The following AGBL1 variants were observed in gnomAD, a reference collection of about 807,000 sequenced individuals.
The protein encoded by AGBL1 is AGBL carboxypeptidase 1.
A neutral mutation model predicts 118.9 loss-of-function variants in AGBL1; 130 were observed. That is an observed-to-expected ratio of 1.09 (90% CI 0.95 to 1.26). The LOEUF (loss-of-function observed/expected upper bound fraction) is 1.26, where lower values mean the gene tolerates loss of function less well. AGBL1 is among the 50% of genes most tolerant of loss of function. AGBL1 has a pLI of 0.00. For missense variants in AGBL1, 1,584 were observed against 1,298.1 expected, an observed-to-expected ratio of 1.22 and a Z score of -3.38; for synonymous variants, 555 against 478.9, an observed-to-expected ratio of 1.16 and a Z score of -2.08.
rs567728632 is a variant in AGBL1 at position 86,271,600 on chromosome 15, C to T, written c.1988-19C>T. The T allele has an allele frequency of 4.4e-6, 7 of 1,578,730 alleles. No homozygotes were observed. In the South Asian group the frequency reaches 6.6e-5, roughly 15 times the overall value. Reference sequence around the variant, plus strand: ...ACTCTCTTTCCCTCATGGATTAATTCCTTTCTGATTTTGTGTAGGGATGCA... The same window carrying T: ...ACTCTCTTTCCCTCATGGATTAATTTCTTTCTGATTTTGTGTAGGGATGCA... On this transcript the variant is annotated intron_variant, in intron 14 of 22. Coordinates refer to ENST00000614907, the MANE Select transcript of AGBL1 (RefSeq NM_001386094.1).
rs2084708052 is a variant in AGBL1 at position 86,615,470 on chromosome 15, T to G, written c.2995-58803T>G. 6.6e-6 allele frequency among the ~76,000 whole-genome samples: 1 copy of G among 152,104 alleles called. No homozygotes were observed. Among genetic ancestry groups the G allele is most frequent in the Non-Finnish European group, 1.5e-5 (1 of 68,026 alleles). On this transcript the variant is annotated intron_variant, in intron 21 of 22. Transcript: ENST00000614907. The surrounding 1 kb of genome is among the most constrained non-coding windows in gnomAD (Gnocchi z 4.3). The stretch of plus-strand genomic sequence containing the variant: ...ATGGTTACTGTGGCTTTAACTAAAA[T>G]AGGCAACACAAATTGCAGGAACAGA...
At chr15:86,593,060 TACGGATTC>T (rs2084359704) in intron 21 of AGBL1, among the ~76,000 whole-genome samples, 2 of 152,202 alleles carry the variant, frequency 1.3e-5, no homozygotes, top group Admixed American at 1.3e-4. Context: ...CTCTCTGCAG[TACGGATTC>T]ATGGATTCAT....
chr15:86,357,476 T>C (rs1276287687), intron 17 of AGBL1, among the ~76,000 whole-genome samples: 1 of 152,154 alleles, frequency 6.6e-6, no homozygotes, highest in African/African-American at 2.4e-5. Flanking sequence ...CACCTGAACT[T>C]CTTTATTTTA....
chr15:86,128,868 G>C (rs1284696661), intron 1 of AGBL1, among the ~76,000 whole-genome samples: 1 of 152,152 alleles, frequency 6.6e-6, no homozygotes. Flanking sequence ...TGAGATATCT[G>C]TGAGAACAGA....
chr15:86,617,199 G>T (rs1381353615), intron 21 of AGBL1, among the ~76,000 whole-genome samples: 1 of 152,118 alleles, frequency 6.6e-6, no homozygotes, highest in Admixed American at 6.5e-5. Flanking sequence ...TTGACCCTTT[G>T]ACAGGAATTT....
chr15:86,245,388 G>A (rs980986864), intron 6 of AGBL1, among the ~76,000 whole-genome samples: 1 of 152,144 alleles, frequency 6.6e-6, no homozygotes, highest in Non-Finnish European at 1.5e-5. Flanking sequence ...GAATGGTTTC[G>A]ATGATGGAGA....
At chr15:86,803,828 G>A (rs2078683046) in intron 22 of AGBL1, among the ~76,000 whole-genome samples, 1 of 152,150 alleles carries the variant, frequency 6.6e-6, no homozygotes, top group South Asian at 2.1e-4. Flanking sequence ...CTTGGGGCAG[G>A]GGTGGAGGAT....
At chr15:86,459,156 A>G (rs1333668904) in intron 18 of AGBL1, among the ~76,000 whole-genome samples, 1 of 152,166 alleles carries the variant, frequency 6.6e-6, no homozygotes, top group Non-Finnish European at 1.5e-5. Flanking sequence ...TAATCACGTG[A>G]GTGTAATAGG....
intron 18 of AGBL1, among the ~76,000 whole-genome samples, chr15:86,482,878 G>A (rs560808749): frequency 6.6e-6 from 1 of 152,054 alleles, no homozygotes; most frequent in Admixed American, 6.6e-5. Context: ...GATGAAGGAT[G>A]ACAAGGTTCA....
chr15:86,380,697 C>A (rs889317771), intron 17 of AGBL1, among the ~76,000 whole-genome samples: 22 of 152,084 alleles, frequency 1.4e-4, no homozygotes, highest in African/African-American at 5.1e-4. Flanking sequence ...ACTTCCCGTT[C>A]ATTTACAAGG....
Position 86,499,761 on chromosome 15 carries a change from C to A in AGBL1, c.2556-23049C>A, listed in dbSNP as rs146395842. ...CTAAAGTTTTAAATTGTAAATAAAT[C>A]ATTATGCCATCTTAAACTGCCAACA... is the stretch of plus-strand genomic sequence containing the variant. On this transcript the variant is annotated intron_variant, in intron 18 of 22. Coordinates refer to ENST00000614907, the MANE Select transcript of AGBL1 (RefSeq NM_001386094.1). Among the ~76,000 whole-genome samples, 12 of 151,972 alleles carry A rather than the reference C, an allele frequency of 7.9e-5. No homozygotes were observed. In the East Asian group the frequency reaches 1.9e-3, roughly 25 times the overall value.
intron 22 of AGBL1, among the ~76,000 whole-genome samples, chr15:86,872,607 T>A (rs896962896): frequency 2.0e-5 from 3 of 151,972 alleles, no homozygotes; most frequent in African/African-American, 4.8e-5. Flanking sequence ...TAGAAAAAAA[T>A]TAGCTGGGTA....
chr15:86,169,286 G>A (rs554382805), intron 5 of AGBL1, among the ~76,000 whole-genome samples: 127 of 152,332 alleles, frequency 8.3e-4, no homozygotes, highest in Middle Eastern at 3.4e-3. Flanking sequence ...AGCTGGATAT[G>A]CAAGCGTACT....
chr15:86,380,781 T>G (rs1178883731), intron 17 of AGBL1, among the ~76,000 whole-genome samples: 4 of 152,246 alleles, frequency 2.6e-5, no homozygotes, highest in Non-Finnish European at 5.9e-5. Flanking sequence ...CTTTGAAAGC[T>G]ACTCATTCTC....
chr15:86,277,309 T>C (rs773270507), intron 15 of AGBL1, among the ~76,000 whole-genome samples: 4,270 of 107,842 alleles, frequency 0.04, 65 homozygotes, highest in African/African-American at 0.076. Flanking sequence ...TGTGCATGTG[T>C]GTGTGTGTAT....
chr15:86,987,964 A>T, intron 23 of AGBL1: 1 of 1,610,986 alleles, frequency 6.2e-7, no homozygotes, highest in Non-Finnish European at 8.5e-7. Flanking sequence ...AATCTGTACC[A>T]CTCATTTATC....
chr15:86,764,194 C>G (rs1268539241), intron 22 of AGBL1, among the ~76,000 whole-genome samples: 1 of 151,948 alleles, frequency 6.6e-6, no homozygotes, highest in Non-Finnish European at 1.5e-5. Context: ...AATATACACG[C>G]TTCCAGAAAC....
intron 18 of AGBL1, among the ~76,000 whole-genome samples, chr15:86,427,157 A>G (rs972212635): frequency 7.9e-5 from 12 of 152,216 alleles, no homozygotes; most frequent in Non-Finnish European, 1.8e-4. Flanking sequence ...TTTGTTTTTG[A>G]CTGAATTACT....
intron 13 of AGBL1, among the ~76,000 whole-genome samples, chr15:86,268,715 G>A (rs2079111280): frequency 6.6e-6 from 1 of 152,210 alleles, no homozygotes; most frequent in South Asian, 2.1e-4. Context: ...ATGGGGTTAT[G>A]TGTCATGTGT....
Sources: allele counts gnomAD v4.1 joint callset (sites outside exome capture counted in the v4.1 genomes callset), GRCh38; gene constraint gnomAD v4.1.1; non-coding constraint Gnocchi (gnomAD v3.1); transcripts MANE v1.5; gene names NCBI Gene and HGNC (gene_info 2026-07-23, HGNC 2026-07-21).